Variants in CPQ observed in about 807,000 individuals in gnomAD.
The protein encoded by CPQ is Ser-Met dipeptidase.
CPQ carries 37 observed loss-of-function variants against 45.7 expected under a neutral mutation model. The observed-to-expected ratio is 0.81, with a 90% CI of 0.62 to 1.07. CPQ has a LOEUF of 1.07. Among genes scored for constraint, CPQ ranks in the 50% least tolerant of loss-of-function variants. The pLI, the probability that CPQ is intolerant of heterozygous loss-of-function variation, is 0.00. For missense variants in CPQ, 537 were observed against 572.9 expected, an observed-to-expected ratio of 0.94 and a Z score of 0.64; for synonymous variants, 186 against 205.8, an observed-to-expected ratio of 0.90 and a Z score of 0.82.
At chr8:96,839,988 A>T (rs1811585456) in intron 3 of CPQ, among the ~76,000 whole-genome samples, 1 of 77,332 alleles carries the variant, frequency 1.3e-5, no homozygotes, top group African/African-American at 5.5e-5. Context: ...TGAAAGAACT[A>T]GGATTCAAAC....
chr8:97,043,537 A>G (rs1810173374), intron 6 of CPQ, among the ~76,000 whole-genome samples: 1 of 152,136 alleles, frequency 6.6e-6, no homozygotes, highest in African/African-American at 2.4e-5. Context: ...TTATGATGTT[A>G]GCTGGTTATT....
At chr8:96,682,218 A>C (rs1809161303) in intron 1 of CPQ, among the ~76,000 whole-genome samples, 1 of 152,164 alleles carries the variant, frequency 6.6e-6, no homozygotes, top group South Asian at 2.1e-4. Context: ...CTCATGTTGA[A>C]TTCTCATGTG....
intron 4 of CPQ, among the ~76,000 whole-genome samples, chr8:96,921,634 C>CTTTT (rs1244531328): frequency 6.6e-6 from 1 of 152,108 alleles, no homozygotes; most frequent in Non-Finnish European, 1.5e-5. Flanking sequence ...AAAACTGCTG[C>CTTTT]TTCTTGAGCC....
At chr8:96,791,121 G>T (rs919066020) in intron 2 of CPQ, among the ~76,000 whole-genome samples, 2 of 152,114 alleles carry the variant, frequency 1.3e-5, no homozygotes, top group East Asian at 3.9e-4. Flanking sequence ...TTTCCCAGAT[G>T]AGAGAACCAG....
intron 4 of CPQ, among the ~76,000 whole-genome samples, chr8:96,887,921 T>A (rs1240043611): frequency 6.6e-6 from 1 of 152,188 alleles, no homozygotes; most frequent in Admixed American, 6.5e-5. Context: ...CCAGTATTAT[T>A]TTAAATATAG....
intron 2 of CPQ, among the ~76,000 whole-genome samples, chr8:96,834,666 C>T (rs765709751): frequency 3.3e-4 from 50 of 152,246 alleles, no homozygotes; most frequent in African/African-American, 4.6e-4. Context: ...TTTGTGACTT[C>T]TGAGGGTGGG....
At chr8:96,882,908 C>T (rs1034844884) in intron 4 of CPQ, among the ~76,000 whole-genome samples, 3 of 152,168 alleles carry the variant, frequency 2.0e-5, no homozygotes, top group African/African-American at 7.2e-5. Context: ...CAAAGTTTCC[C>T]TTGAGTTCCT....
chr8:97,013,889 A>C lies in CPQ; in HGVS notation c.962-15514A>C, dbSNP rs1260465850. ...AAAGATGTATTCTTTATATAGAAAA[A>C]GAAATATATTTTACTAATAATTTCT... On this transcript the variant is annotated intron_variant, in intron 5 of 7. Transcript: ENST00000220763. 4.6e-5 allele frequency among the ~76,000 whole-genome samples: 7 copies of C among 152,248 alleles called. No homozygotes were observed. The South Asian group carries it at 1.4e-3, about 31-fold the overall frequency.
chr8:96,925,694 C>CTT (rs34617404), intron 4 of CPQ, among the ~76,000 whole-genome samples: 14 of 123,008 alleles, frequency 1.1e-4, no homozygotes, highest in African/African-American at 2.1e-4. Context: ...GGCCTCTGCA[C>CTT]TTTTTTTTTT....
intron 5 of CPQ, among the ~76,000 whole-genome samples, chr8:96,994,702 GC>G (rs1809149286): frequency 6.6e-6 from 1 of 152,008 alleles, no homozygotes; most frequent in Non-Finnish European, 1.5e-5. Context: ...GTGATGACAT[GC>G]CCCAGTTTGT....
chr8:96,823,165 G>T (rs1440410082), intron 2 of CPQ, among the ~76,000 whole-genome samples: 1 of 151,792 alleles, frequency 6.6e-6, no homozygotes, highest in African/African-American at 2.4e-5. Flanking sequence ...CTAGAAAATG[G>T]GGTCTTTTTA....
chr8:96,744,393 A>G (rs1468567142), intron 1 of CPQ, among the ~76,000 whole-genome samples: 1 of 152,160 alleles, frequency 6.6e-6, no homozygotes, highest in South Asian at 2.1e-4. Flanking sequence ...CCCTAATGAG[A>G]TGAACCCGGT....
chr8:96,982,531 C>T (rs1037700356), intron 5 of CPQ, among the ~76,000 whole-genome samples: 1 of 152,040 alleles, frequency 6.6e-6, no homozygotes, highest in African/African-American at 2.4e-5. Context: ...TTTATAGAGA[C>T]AGGGTCTCAC....
At chr8:97,105,496 G>A (rs1370169303) in intron 7 of CPQ, among the ~76,000 whole-genome samples, 2 of 152,016 alleles carry the variant, frequency 1.3e-5, no homozygotes, top group Admixed American at 6.5e-5. Context: ...TCTACCTTTT[G>A]GTTATTGTGA....
intron 3 of CPQ, among the ~76,000 whole-genome samples, chr8:96,840,933 A>G (rs1811597133): frequency 6.6e-6 from 1 of 152,218 alleles, no homozygotes; most frequent in Non-Finnish European, 1.5e-5. Flanking sequence ...TATATCTTGT[A>G]TGTTCCATTG....
intron 1 of CPQ, among the ~76,000 whole-genome samples, chr8:96,684,671 G>A (rs896413551): frequency 6.6e-6 from 1 of 152,186 alleles, no homozygotes; most frequent in African/African-American, 2.4e-5. Context: ...GTGGCAGCAA[G>A]AGGGATGGGT....
intron 7 of CPQ, among the ~76,000 whole-genome samples, chr8:97,093,375 T>G (rs890250772): frequency 3.3e-5 from 5 of 152,162 alleles, no homozygotes; most frequent in Admixed American, 3.3e-4. Context: ...CATATTTTCA[T>G]CGCAGCACTA....
intron 2 of CPQ, among the ~76,000 whole-genome samples, chr8:96,795,541 T>C (rs927111933): frequency 7.2e-5 from 11 of 152,226 alleles, no homozygotes; most frequent in African/African-American, 2.4e-4. Context: ...CATATGTATT[T>C]TATTTTATAA....
chr8:97,026,221 C>T (rs1193756328), intron 5 of CPQ, among the ~76,000 whole-genome samples: 1 of 152,178 alleles, frequency 6.6e-6, no homozygotes, highest in Non-Finnish European at 1.5e-5. Context: ...AGCTAATAAA[C>T]AATTCTTGAA....
Sources: allele counts gnomAD v4.1 joint callset (sites outside exome capture counted in the v4.1 genomes callset), GRCh38; gene constraint gnomAD v4.1.1; transcripts MANE v1.5; gene names NCBI Gene and HGNC (gene_info 2026-07-23, HGNC 2026-07-21).